Variants in PTPRG observed in about 807,000 individuals in gnomAD.
PTPRG encodes receptor-type tyrosine-protein phosphatase gamma.
A neutral mutation model predicts 165.3 loss-of-function variants in PTPRG; 102 were observed. The ratio of observed to expected loss-of-function variants is 0.62; its 90% confidence interval spans 0.53 to 0.73. The LOEUF (loss-of-function observed/expected upper bound fraction) is 0.73, where lower values mean the gene tolerates loss of function less well. Ranked by LOEUF, PTPRG falls within the 30% of genes least tolerant of loss-of-function variation. The probability of loss-of-function intolerance (pLI) is 0.00; values close to 1 mark genes in which losing one functional copy is unlikely to be tolerated. For synonymous variants in PTPRG, 675 were observed against 669.5 expected, an observed-to-expected ratio of 1.01 and a Z score of -0.13; for missense variants, 1,866 against 1,861.4, an observed-to-expected ratio of 1.00 and a Z score of -0.05.
chr3:61,810,492 G>T (rs2035543105), intron 2 of PTPRG, among the ~76,000 whole-genome samples: 1 of 152,180 alleles, frequency 6.6e-6, no homozygotes, highest in African/African-American at 2.4e-5. Context: ...AGCAACGACA[G>T]TGCGAAGGGA....
At chr3:61,773,466 C>T (rs1193922329) in intron 2 of PTPRG, among the ~76,000 whole-genome samples, 1 of 152,002 alleles carries the variant, frequency 6.6e-6, no homozygotes, top group African/African-American at 2.4e-5. Context: ...TTTGGAAGAT[C>T]GATACATGTG....
At chr3:62,032,829 TA>T (rs1252474934) in intron 4 of PTPRG, among the ~76,000 whole-genome samples, 4 of 152,256 alleles carry the variant, frequency 2.6e-5, no homozygotes, top group Non-Finnish European at 2.9e-5. Context: ...GTAAGAGACT[TA>T]AAGAGTGGAG....
At chr3:61,832,006 T>C (rs983153010) in intron 2 of PTPRG, among the ~76,000 whole-genome samples, 4 of 152,216 alleles carry the variant, frequency 2.6e-5, no homozygotes, top group African/African-American at 9.6e-5. Flanking sequence ...AAAATGTTTC[T>C]AGATGATTTC....
Position 62,218,901 on chromosome 3 carries a change from G to T in PTPRG, c.2206G>T (p.Glu736Ter). ...MISRPAPGRM[E>*]WIIPLIVVSA... The stretch of plus-strand genomic sequence containing the variant: ...AAGCCGCCCTGCTCCAGGGAGGATG[G>T]AGTGGATCATCCCTCTGATTGTGGT... Residue 736 changes from glutamate to a stop codon, truncating the protein, a stop_gained, in exon 13 of 30, where the codon GAG becomes TAG. Coordinates refer to ENST00000474889, the MANE Select transcript of PTPRG (RefSeq NM_002841.4). LOFTEE classifies it high-confidence loss of function. 1 of 1,613,918 alleles carries T rather than the reference G, an allele frequency of 6.2e-7. No homozygotes were observed. The highest frequency in any genetic ancestry group is 8.5e-7 in the Non-Finnish European group (1 of 1,179,768).
chr3:62,227,348 A>G (rs1478281309), intron 13 of PTPRG, among the ~76,000 whole-genome samples: 1 of 152,224 alleles, frequency 6.6e-6, no homozygotes, highest in Non-Finnish European at 1.5e-5. Context: ...GGAGACAGGT[A>G]TCATAAGAAT....
Position 61,647,842 on chromosome 3 carries a change from C to T in PTPRG, c.85+85470C>T, listed in dbSNP as rs558404765. ...AGCAATTCAAACTCTGACCTTGGAG[C>T]TGGTGCTGCTTTTCTGAAACCACTG... On this transcript the variant is annotated intron_variant, in intron 1 of 29. Transcript: ENST00000474889. Among the ~76,000 whole-genome samples the T allele has an allele frequency of 1.2e-3, 183 of 149,086 alleles. 1 individual carries two copies. Among genetic ancestry groups the T allele is most frequent in the African/African-American group, 4.4e-3 (177 of 40,562 alleles).
intron 1 of PTPRG, among the ~76,000 whole-genome samples, chr3:61,707,458 AT>A (rs1460382683): frequency 2.0e-5 from 3 of 151,934 alleles, no homozygotes; most frequent in Non-Finnish European, 4.4e-5. Flanking sequence ...GGAAGAGCTG[AT>A]TTTTTTTCTA....
At chr3:61,919,870 C>T (rs1437998529) in intron 2 of PTPRG, among the ~76,000 whole-genome samples, 1 of 152,174 alleles carries the variant, frequency 6.6e-6, no homozygotes, top group Middle Eastern at 3.2e-3. Flanking sequence ...TTACAAAAGG[C>T]GAACAGTCCA....
chr3:61,963,761 A>G (rs551538325), intron 2 of PTPRG, among the ~76,000 whole-genome samples: 1 of 152,196 alleles, frequency 6.6e-6, no homozygotes, highest in Non-Finnish European at 1.5e-5. Context: ...GAACATATTC[A>G]TGACAAGTTG....
chr3:61,877,430 A>T (rs922425165), intron 2 of PTPRG, among the ~76,000 whole-genome samples: 3 of 152,208 alleles, frequency 2.0e-5, no homozygotes, highest in African/African-American at 7.2e-5. Context: ...GTTAATAAGT[A>T]AACCACAGAG....
intron 8 of PTPRG, among the ~76,000 whole-genome samples, chr3:62,186,171 G>A (rs1705875743): frequency 6.6e-6 from 1 of 152,128 alleles, no homozygotes; most frequent in South Asian, 2.1e-4. Flanking sequence ...TCTGTAGACT[G>A]AATGCTTTTC....
rs1416820763 is a variant in PTPRG, at chr3:62,275,789, C to CTGAT, written c.3466-81_3466-78dup. On this transcript the variant is annotated intron_variant, in intron 23 of 29. Coordinates refer to ENST00000474889, the MANE Select transcript of PTPRG (RefSeq NM_002841.4). ...AGAAATGGTCTTGTTTATCAGTAAT[C>CTGAT]TGATTGGGATTTTTGCCAAAGCATC... is the stretch of plus-strand genomic sequence containing the variant. The CTGAT allele has an allele frequency of 3.1e-6, 3 of 966,838 alleles. No homozygotes were observed. In the East Asian group the frequency reaches 7.8e-5, roughly 25 times the overall value. The allele number at this position is 966,838 out of a possible 1,614,324, so 59.9% of individuals were successfully genotyped here.
At chr3:61,763,354 C>G (rs2106979001) in intron 2 of PTPRG, among the ~76,000 whole-genome samples, 2 of 152,190 alleles carry the variant, frequency 1.3e-5, no homozygotes, top group South Asian at 4.1e-4. Context: ...TCTCCTGCCT[C>G]AGCCTCCCAA....
At chr3:61,600,190 A>ACATGTGTG (rs1700821369) in intron 1 of PTPRG, among the ~76,000 whole-genome samples, 1 of 118,582 alleles carries the variant, frequency 8.4e-6, no homozygotes, top group African/African-American at 3.0e-5. Flanking sequence ...ATATATATAT[A>ACATGTGTG]TATGTGTGTG....
intron 1 of PTPRG, among the ~76,000 whole-genome samples, chr3:61,619,964 T>C (rs1701403117): frequency 6.6e-6 from 1 of 152,192 alleles, no homozygotes. Context: ...CATCACACAG[T>C]TGTGTTACTC....
chr3:62,031,684 G>A (rs1699774230), intron 4 of PTPRG, among the ~76,000 whole-genome samples: 1 of 152,150 alleles, frequency 6.6e-6, no homozygotes, highest in African/African-American at 2.4e-5. Flanking sequence ...AGTGATGGTG[G>A]TTACTAATCT....
chr3:62,105,911 C>T (rs987827387), intron 5 of PTPRG, among the ~76,000 whole-genome samples: 1 of 152,124 alleles, frequency 6.6e-6, no homozygotes, highest in Non-Finnish European at 1.5e-5. Context: ...TAGGGAACAA[C>T]AATGAATATG....
At chr3:62,290,565 G>C (rs967634399) in intron 28 of PTPRG, among the ~76,000 whole-genome samples, 5 of 151,932 alleles carry the variant, frequency 3.3e-5, no homozygotes, top group Admixed American at 1.3e-4. Flanking sequence ...CACGTGGGGA[G>C]GTACAAAAAA....
At chr3:61,813,543 C>CTGTGTGTGTGTGTGTGTGTG (rs58097355) in intron 2 of PTPRG, among the ~76,000 whole-genome samples, 7 of 116,916 alleles carry the variant, frequency 6.0e-5, no homozygotes, top group Non-Finnish European at 1.2e-4. Context: ...AAAAGAAAAT[C>CTGTGTGTGTGTGTGTGTGTG]TGTGTGTGTG....
Sources: gnomAD v4.1 joint callset for allele counts (sites outside exome capture counted in the v4.1 genomes callset) on GRCh38, gnomAD v4.1.1 for gene constraint, MANE v1.5 for transcripts, NCBI Gene and HGNC (gene_info 2026-07-23, HGNC 2026-07-21) for gene names.